The following TMEM168 variants were observed in gnomAD, a reference collection of about 807,000 sequenced individuals.
TMEM168 encodes transmembrane protein 168.
A neutral mutation model predicts 53.2 loss-of-function variants in TMEM168; 40 were observed. The observed-to-expected ratio is 0.75, with a 90% CI of 0.58 to 0.98. The LOEUF (loss-of-function observed/expected upper bound fraction) is 0.98. Ranked by LOEUF, TMEM168 falls within the 50% of genes least tolerant of loss-of-function variation. The probability of loss-of-function intolerance (pLI) is 0.00; values close to 1 mark genes in which losing one functional copy is unlikely to be tolerated. For missense variants in TMEM168, 771 were observed against 828.8 expected (o/e 0.93, Z 0.86); for synonymous variants, 282 against 293.0 (o/e 0.96, Z 0.38).
rs1169236157 is a variant in TMEM168 at position 112,767,102 on chromosome 7, A to G, written c.*95T>C. ...AGAGCAGCTACAGAAGTAGCAAGGTATTTTCCACAAATAAAAATACAGCAT... is the reference window on the plus strand; with the variant it reads ...AGAGCAGCTACAGAAGTAGCAAGGTGTTTTCCACAAATAAAAATACAGCAT... On this transcript the variant is annotated 3_prime_UTR_variant, in exon 5 of 5. Coordinates refer to ENST00000312814, the MANE Select transcript of TMEM168 (RefSeq NM_022484.6). The G allele has an allele frequency of 7.1e-6, 9 of 1,261,988 alleles. No individual in the cohort carries two copies. Among genetic ancestry groups the G allele is most frequent in the Non-Finnish European group, 9.8e-6 (9 of 918,576 alleles). The allele number at this position is 1,261,988 out of a possible 1,614,324, so 78.2% of individuals were successfully genotyped here.
intron 1 of TMEM168, among the ~76,000 whole-genome samples, 200 bp downstream of exon 1, chr7:112,789,959 AG>A (rs1049336836): frequency 6.6e-6 from 1 of 152,192 alleles, no homozygotes; most frequent in African/African-American, 2.4e-5. Flanking sequence ...CGCCCAGTTG[AG>A]GGGGAACCCT....
chr7:112,783,688 A>G lies in TMEM168; in HGVS notation c.1128+10T>C, dbSNP rs1793289854. ...CGTCATTGGGGTTGCTGGACAAACAATAAGCTTACCTGCCAGGAAACTGCT... is the reference window on the plus strand; with the variant it reads ...CGTCATTGGGGTTGCTGGACAAACAGTAAGCTTACCTGCCAGGAAACTGCT... On this transcript the variant is annotated intron_variant, in intron 2 of 4. Coordinates refer to ENST00000312814, the MANE Select transcript of TMEM168 (RefSeq NM_022484.6). The G allele has an allele frequency of 6.8e-7, 1 of 1,474,382 alleles. No individual in the cohort carries two copies. Among genetic ancestry groups the G allele is most frequent in the Non-Finnish European group, 9.0e-7 (1 of 1,113,888 alleles). 91.3% of individuals were successfully genotyped at this position (1,474,382 alleles called of 1,614,324 possible).
intron 2 of TMEM168, among the ~76,000 whole-genome samples, chr7:112,775,668 A>G (rs767529293): frequency 6.6e-6 from 1 of 152,026 alleles, no homozygotes; most frequent in Non-Finnish European, 1.5e-5. Context: ...CAGAAAACAA[A>G]TATCTTGTTA....
Position 112,766,867 on chromosome 7 carries a change from C to T in TMEM168, c.*330G>A, listed in dbSNP as rs1375904267. 9.4e-6 allele frequency: 2 copies of T among 213,038 alleles called. No homozygotes were observed. The highest frequency in any genetic ancestry group is 2.3e-4 in the East Asian group (2 of 8,832). The allele number at this position is 213,038 out of a possible 1,614,324, so 13.2% of individuals were successfully genotyped here. ...ATTATTATATGCCTAGAAAATAAGG[C>T]ATTAGTAATTCATCATTGACCATTG... is the stretch of plus-strand genomic sequence containing the variant. On this transcript the variant is annotated 3_prime_UTR_variant, in exon 5 of 5. Transcript: ENST00000312814.
At chr7:112,769,261 T>C (rs891042905) in intron 4 of TMEM168, among the ~76,000 whole-genome samples, 5 of 152,208 alleles carry the variant, frequency 3.3e-5, no homozygotes, top group Non-Finnish European at 7.4e-5. Flanking sequence ...CACTCACACA[T>C]ATTATCTCAG....
intron 1 of TMEM168, among the ~76,000 whole-genome samples, chr7:112,789,684 T>C (rs1230671819): frequency 1.3e-5 from 2 of 152,226 alleles, no homozygotes; most frequent in African/African-American, 4.8e-5. Flanking sequence ...ACTCAGAAAC[T>C]CTGTCCCATC....
At chr7:112,782,804 C>T (rs1487552639) in intron 2 of TMEM168, among the ~76,000 whole-genome samples, 1 of 152,162 alleles carries the variant, frequency 6.6e-6, no homozygotes, top group African/African-American at 2.4e-5. Flanking sequence ...GCAACAAACT[C>T]TTACAGAGAG....
Position 112,764,496 on chromosome 7 carries a change from T to TTTTG in TMEM168, c.*2697_*2700dup, listed in dbSNP as rs915327554. On this transcript the variant is annotated 3_prime_UTR_variant, in exon 5 of 5. Coordinates refer to ENST00000312814, the MANE Select transcript of TMEM168 (RefSeq NM_022484.6). ...TTCTTTTCTACACCCTTATTATTTTTTTTGTTTGTTTCTTTTTTTTTTTGA... is the reference window on the plus strand; with the variant it reads ...TTCTTTTCTACACCCTTATTATTTTTTTTGTTTGTTTGTTTCTTTTTTTTTTTGA... The TTTTG allele has an allele frequency of 6.6e-6, 1 of 151,802 alleles. No individual in the cohort carries two copies. The highest frequency in any genetic ancestry group is 6.6e-5 in the Admixed American group (1 of 15,254). The allele number at this position is 151,802 out of a possible 1,614,324, so 9.4% of individuals were successfully genotyped here.
rs541269364 is a variant in TMEM168 at position 112,766,006 on chromosome 7, C to T, written c.*1191G>A. The T allele has an allele frequency of 1.3e-5, 2 of 152,566 alleles. No homozygotes were observed. The highest frequency in any genetic ancestry group is 3.9e-4 in the East Asian group (2 of 5,178). 9.5% of individuals were successfully genotyped at this position (152,566 alleles called of 1,614,324 possible). On this transcript the variant is annotated 3_prime_UTR_variant, in exon 5 of 5. Coordinates refer to ENST00000312814, the MANE Select transcript of TMEM168 (RefSeq NM_022484.6). ...ATTATACCCCAATTTAATTCTATTCCCTTCTTGTTTGTTATTTCTCATAGA... is the reference window on the plus strand; with the variant it reads ...ATTATACCCCAATTTAATTCTATTCTCTTCTTGTTTGTTATTTCTCATAGA...
Position 112,784,421 on chromosome 7 carries a change from T to C in TMEM168, c.405A>G (p.Ile135Met). The change falls in exon 2 of 5, where the codon ATA (isoleucine) becomes ATG (methionine). Residue 135 changes from isoleucine to methionine, a missense_variant. Coordinates refer to ENST00000312814, the MANE Select transcript of TMEM168 (RefSeq NM_022484.6). The part of the protein sequence containing the change: ...YLLLTSIVLR[I>M]LCSLVERISG... ...AAATTCTCTCCACCAGAGAGCACAA[T>C]ATCCTTAACACTATGGATGTTAGAA... is the stretch of plus-strand genomic sequence containing the variant. 1 of 1,614,080 alleles carries C rather than the reference T, an allele frequency of 6.2e-7. No homozygotes were observed. Among genetic ancestry groups the C allele is most frequent in the Non-Finnish European group, 8.5e-7 (1 of 1,179,996 alleles).
chr7:112,774,513 C>A (rs941645854), intron 3 of TMEM168, among the ~76,000 whole-genome samples: 1 of 151,888 alleles, frequency 6.6e-6, no homozygotes, highest in African/African-American at 2.4e-5. Context: ...GACCTCCAGC[C>A]TCTCAGGCCC....
At chr7:112,790,124 A>G (rs1406749053) in intron 1 of TMEM168, 36 bp downstream of exon 1, 1 of 152,402 alleles carries the variant, frequency 6.6e-6, no homozygotes, top group Admixed American at 6.5e-5. Flanking sequence ...CTATGCCTAG[A>G]TCTCGCCGCC....
At chr7:112,770,327 C>T (rs1009451156) in intron 4 of TMEM168, among the ~76,000 whole-genome samples, 1 of 152,132 alleles carries the variant, frequency 6.6e-6, no homozygotes, top group African/African-American at 2.4e-5. Context: ...ATAAAATCTA[C>T]CTTTCTCAGG....
chr7:112,787,231 T>C (rs1793407169), intron 1 of TMEM168, among the ~76,000 whole-genome samples: 1 of 152,228 alleles, frequency 6.6e-6, no homozygotes, highest in African/African-American at 2.4e-5. Context: ...TGACAGCTGG[T>C]ATTTAGTTGC....
chr7:112,789,472 C>A (rs1027818843), intron 1 of TMEM168, among the ~76,000 whole-genome samples: 3 of 152,154 alleles, frequency 2.0e-5, no homozygotes, highest in African/African-American at 7.2e-5. Flanking sequence ...CTTACTAATG[C>A]CTAAAGAGAA....
intron 3 of TMEM168, among the ~76,000 whole-genome samples, chr7:112,773,849 CA>C (rs1364887249): frequency 2.0e-5 from 3 of 151,996 alleles, no homozygotes; most frequent in African/African-American, 7.2e-5. Context: ...ATTACAGTCA[CA>C]AAAGAGTAAG....
At position 112,763,769 on chromosome 7, in the gene TMEM168, T is replaced by C. The variant is rs1359436366; in HGVS notation, c.*3428A>G. 6.6e-6 allele frequency: 1 copy of C among 152,128 alleles called. No individual in the cohort carries two copies. The highest frequency in any genetic ancestry group is 1.5e-5 in the Non-Finnish European group (1 of 67,982). 9.4% of individuals were successfully genotyped at this position (152,128 alleles called of 1,614,324 possible). On this transcript the variant is annotated 3_prime_UTR_variant, in exon 5 of 5. Transcript: ENST00000312814. ...AGCCCAAAATTACAAAATATCCAGTTACAAATAGATTCTAATAAAGATTTT... is the reference window on the plus strand; with the variant it reads ...AGCCCAAAATTACAAAATATCCAGTCACAAATAGATTCTAATAAAGATTTT...
chr7:112,772,725 T>C (rs1040458897), intron 4 of TMEM168, 56 bp downstream of exon 4: 2 of 1,558,918 alleles, frequency 1.3e-6, no homozygotes, highest in Non-Finnish European at 1.7e-6. Flanking sequence ...GAAGTACAGA[T>C]TTCTACATAT....
intron 2 of TMEM168, among the ~76,000 whole-genome samples, chr7:112,779,502 T>C (rs1343554390): frequency 6.6e-6 from 1 of 152,180 alleles, no homozygotes; most frequent in Non-Finnish European, 1.5e-5. Flanking sequence ...GGAGTACTCC[T>C]TACACCTTAA....
Sources: allele counts gnomAD v4.1 joint callset (sites outside exome capture counted in the v4.1 genomes callset), GRCh38; gene constraint gnomAD v4.1.1; transcripts MANE v1.5; gene names NCBI Gene and HGNC (gene_info 2026-07-23, HGNC 2026-07-21).